MEIS1: variants seen among roughly 807,000 people sequenced by gnomAD.
The protein encoded by MEIS1 is homeobox protein Meis1.
MEIS1 carries 5 observed loss-of-function variants against 50.8 expected under a neutral mutation model. The observed-to-expected ratio is 0.10, with a 90% confidence interval of 0.05 to 0.21. The LOEUF is 0.21. Ranked by LOEUF, MEIS1 falls within the 10% of genes least tolerant of loss-of-function variation. MEIS1 has a pLI of 1.00. For missense variants in MEIS1, 318 were observed against 517.3 expected (o/e 0.61, Z 3.74); for synonymous variants, 176 against 179.3 (o/e 0.98, Z 0.15).
chr2:66,442,798 C>T (rs1307609977), intron 5 of MEIS1, 104 bp from the exon 6 acceptor site: 2 of 1,111,212 alleles, frequency 1.8e-6, no homozygotes, highest in Admixed American at 2.9e-5. Context: ...TGTGTTTCCC[C>T]TATTTGGAAG....
chr2:66,499,302 A>C (rs1369623767), intron 7 of MEIS1, among the ~76,000 whole-genome samples: 2 of 152,066 alleles, frequency 1.3e-5, no homozygotes, highest in Non-Finnish European at 2.9e-5. Flanking sequence ...GCTAATCTAC[A>C]TTTCACAATC....
At chr2:66,455,747 G>A (rs936392705) in intron 6 of MEIS1, among the ~76,000 whole-genome samples, 23 of 152,180 alleles carry the variant, frequency 1.5e-4, no homozygotes, top group African/African-American at 4.3e-4. Context: ...CTGATTGCAG[G>A]ACAGTGGGCA....
intron 9 of MEIS1, among the ~76,000 whole-genome samples, chr2:66,560,583 CAA>C (rs796503153): frequency 4.2e-4 from 54 of 129,202 alleles, no homozygotes; most frequent in Non-Finnish European, 2.6e-4. Flanking sequence ...GACTCTGTCT[CAA>C]AAAAAAAAAA....
rs1046814675 is a variant in MEIS1 at position 66,435,526 on chromosome 2, G to A, written c.-331G>A. The A allele has an allele frequency of 5.1e-6, 2 of 389,598 alleles. No individual in the cohort carries two copies. Among genetic ancestry groups the A allele is most frequent in the Admixed American group, 4.4e-5 (1 of 22,758 alleles). 24.1% of individuals were successfully genotyped at this position (389,598 alleles called of 1,614,324 possible). On this transcript the variant is annotated 5_prime_UTR_variant, in exon 1 of 13. Coordinates refer to ENST00000272369, the MANE Select transcript of MEIS1 (RefSeq NM_002398.3). ...GAGATTTGGTAGTTGGGTCTGAGGG[G>A]CGCTCTTTTTTTTCCTTTTCTTTCT...
chr2:66,529,589 A>G (rs1485070475), intron 8 of MEIS1, among the ~76,000 whole-genome samples: 2 of 152,170 alleles, frequency 1.3e-5, no homozygotes, highest in African/African-American at 4.8e-5. Flanking sequence ...GGCACATGCC[A>G]CCACACTGGC....
rs1028051760 is a variant in MEIS1, at chr2:66,554,802, CAG to C, written c.965+6787_965+6788del. Among the ~76,000 whole-genome samples, 104 of 152,198 alleles carry C rather than the reference CAG, an allele frequency of 6.8e-4. 1 individual carries two copies. Among genetic ancestry groups the C allele is most frequent in the African/African-American group, 2.3e-3 (96 of 41,520 alleles). ...AAAAATACTTTGATAAGGAGACAAA[CAG>C]AGAAATTAATTAAAAAGTTGTAGTT... On this transcript the variant is annotated intron_variant, in intron 9 of 12. Coordinates refer to ENST00000272369, the MANE Select transcript of MEIS1 (RefSeq NM_002398.3).
Position 66,435,847 on chromosome 2 carries a change from AGAGAG to A in MEIS1, c.-8_-4del. On this transcript the variant is annotated 5_prime_UTR_variant, in exon 1 of 13. Transcript: ENST00000272369. ...TAGAAGTTGAAGTAGGAAGGGAGCC[AGAGAG>A]GCCGATGGCGCAAAGGGTACGTATT... 1 of 1,572,476 alleles carries A rather than the reference AGAGAG, an allele frequency of 6.4e-7. No homozygotes were observed. Among genetic ancestry groups the A allele is most frequent in the Non-Finnish European group, 8.6e-7 (1 of 1,163,044 alleles).
At chr2:66,466,272 A>G (rs1404530709) in intron 7 of MEIS1, among the ~76,000 whole-genome samples, 1 of 152,168 alleles carries the variant, frequency 6.6e-6, no homozygotes, top group African/African-American at 2.4e-5. Context: ...TCATCTCTCT[A>G]CTAAAAAACT....
chr2:66,467,951 C>A (rs563366118), intron 7 of MEIS1, among the ~76,000 whole-genome samples: 6 of 152,284 alleles, frequency 3.9e-5, no homozygotes, highest in Middle Eastern at 3.4e-3. Context: ...CAAAGTACTT[C>A]CAAAGATACC....
At chr2:66,460,354 T>C (rs1672489317) in intron 6 of MEIS1, among the ~76,000 whole-genome samples, 1 of 152,132 alleles carries the variant, frequency 6.6e-6, no homozygotes, top group African/African-American at 2.4e-5. Context: ...GCCTTAGAGA[T>C]TGAAAATACC....
chr2:66,536,297 G>C (rs1404371136), intron 8 of MEIS1, among the ~76,000 whole-genome samples: 2 of 152,260 alleles, frequency 1.3e-5, no homozygotes, highest in Admixed American at 6.5e-5. Context: ...TTCCAGAGTG[G>C]AGATTTTAGT....
chr2:66,478,627 A>G (rs1672947338), intron 7 of MEIS1, among the ~76,000 whole-genome samples: 1 of 152,210 alleles, frequency 6.6e-6, no homozygotes, highest in Admixed American at 6.5e-5. Context: ...TAAACGTGCT[A>G]AACAAATTCT....
intron 7 of MEIS1, chr2:66,509,229 G>A (rs1673764208): frequency 2.8e-6 from 1 of 355,056 alleles, no homozygotes; most frequent in South Asian, 2.2e-5. Flanking sequence ...ATCTATGAAA[G>A]TGTTTGCTTT....
In MEIS1 at chr2:66,495,078, ACCTT is replaced by A. The variant is rs1558538826; in HGVS notation, c.743-17070_743-17067del. On this transcript the variant is annotated intron_variant, in intron 7 of 12. Transcript: ENST00000272369. ...CAGAATGCCCACTTTCCCTCTTCTG[ACCTT>A]TTTTTTTTTTTTTTTTTTTTTTTTT... 1.3e-4 allele frequency among the ~76,000 whole-genome samples: 11 copies of A among 85,072 alleles called. 2 individuals are homozygous for A. Among genetic ancestry groups the A allele is most frequent in the South Asian group, 9.3e-4 (2 of 2,160 alleles). The allele number at this position is 85,072 out of a possible 152,430, so 55.8% of individuals were successfully genotyped here. A position where few individuals can be genotyped will look rare whatever the true frequency, so the allele number is the denominator to read the frequency against.
intron 6 of MEIS1, among the ~76,000 whole-genome samples, chr2:66,451,639 C>T (rs1363306278): frequency 6.6e-6 from 1 of 151,982 alleles, no homozygotes; most frequent in Non-Finnish European, 1.5e-5. Context: ...TTAACTGTGA[C>T]CTATAGTGTT....
At chr2:66,480,490 G>T (rs1443730352) in intron 7 of MEIS1, among the ~76,000 whole-genome samples, 1 of 152,190 alleles carries the variant, frequency 6.6e-6, no homozygotes. Flanking sequence ...TGAAGGTACA[G>T]GCTGAGATCT....
intron 7 of MEIS1, among the ~76,000 whole-genome samples, chr2:66,468,221 C>T (rs1232629063): frequency 6.6e-6 from 1 of 152,058 alleles, no homozygotes; most frequent in Non-Finnish European, 1.5e-5. Flanking sequence ...TGCATGGCTG[C>T]CCGCCTAACC....
chr2:66,455,530 G>A (rs1165804706), intron 6 of MEIS1, among the ~76,000 whole-genome samples: 1 of 152,112 alleles, frequency 6.6e-6, no homozygotes, highest in East Asian at 1.9e-4. Context: ...GTAATTTATT[G>A]GGTAAATTAA....
intron 6 of MEIS1, among the ~76,000 whole-genome samples, chr2:66,450,479 C>CA (rs1013307846): frequency 3.7e-4 from 56 of 151,680 alleles, no homozygotes; most frequent in African/African-American, 9.2e-4. Context: ...TCATATTATT[C>CA]AAAAAAAATA....
Sources: allele counts gnomAD v4.1 joint callset (sites outside exome capture counted in the v4.1 genomes callset), GRCh38; gene constraint gnomAD v4.1.1; transcripts MANE v1.5; gene names NCBI Gene and HGNC (gene_info 2026-07-23, HGNC 2026-07-21).